The following KIF2A variants were observed in gnomAD, a reference collection of about 807,000 sequenced individuals.
KIF2A encodes kinesin family member 2A, also known as kinesin-like protein KIF2A.
Under a neutral mutation model 100.2 loss-of-function variants are expected in KIF2A, and 22 were observed. The ratio of observed to expected loss-of-function variants is 0.22; its 90% CI spans 0.16 to 0.31. KIF2A has a LOEUF of 0.31. Among genes scored for constraint, KIF2A ranks in the 10% least tolerant of loss-of-function variants. The pLI is 1.00. For missense variants in KIF2A, 495 were observed against 898.7 expected, an observed-to-expected ratio of 0.55 and a Z score of 5.74; for synonymous variants, 268 against 285.9, an observed-to-expected ratio of 0.94 and a Z score of 0.63.
chr5:62,366,583 G>C, intron 16 of KIF2A, 102 bp downstream of exon 16: 1 of 683,318 alleles, frequency 1.5e-6, no homozygotes, highest in Non-Finnish European at 2.5e-6. Flanking sequence ...TGTAATCCTA[G>C]CACTTTGGGA....
rs1387817661 is a variant in KIF2A, at chr5:62,354,211, CAT to C, written c.558+839_558+840del. The stretch of plus-strand genomic sequence containing the variant: ...TTGGGTTTTGAAATGAATAATAAAA[CAT>C]ATTATCTACTAATACTTAGCATAGA... On this transcript the variant is annotated intron_variant, in intron 6 of 20. Coordinates refer to ENST00000407818, the MANE Select transcript of KIF2A (RefSeq NM_001098511.3). 2.0e-5 allele frequency among the ~76,000 whole-genome samples: 3 copies of C among 152,186 alleles called. No homozygotes were observed. The East Asian group carries it at 5.8e-4, about 29-fold the overall frequency.
In KIF2A at chr5:62,353,314, TG is replaced by T; in HGVS notation, c.498del (p.Gln167LysfsTer34). 1 of 1,585,346 alleles carries T rather than the reference TG, an allele frequency of 6.3e-7. No individual in the cohort carries two copies. The highest frequency in any genetic ancestry group is 8.5e-7 in the Non-Finnish European group (1 of 1,169,636). On this transcript the variant is annotated frameshift_variant, in exon 6 of 21. Transcript: ENST00000407818. LOFTEE classifies it high-confidence loss of function. ...KSNCVKEVEK[L>X]QEKREKRRLQ... ...AATTGTGTGAAAGAAGTAGAAAAACTGCAAGAAAAACGAGAGAAAAGGAGAT... is the reference window on the plus strand; with the variant it reads ...AATTGTGTGAAAGAAGTAGAAAAACTCAAGAAAAACGAGAGAAAAGGAGAT...
At chr5:62,340,445 A>G (rs534128609) in intron 1 of KIF2A, among the ~76,000 whole-genome samples, 1 of 152,310 alleles carries the variant, frequency 6.6e-6, no homozygotes, top group Admixed American at 6.5e-5. Context: ...TCTCAGGTGG[A>G]TCAGAGAAAT....
intron 18 of KIF2A, 29 bp from the exon 19 acceptor site, chr5:62,377,627 TATATC>T (rs1461160760): frequency 8.5e-7 from 1 of 1,174,138 alleles, no homozygotes; most frequent in East Asian, 2.6e-5. Context: ...AAATACACAC[TATATC>T]ATAATTTCTT....
intron 7 of KIF2A, among the ~76,000 whole-genome samples, chr5:62,356,965 T>C (rs1284605771): frequency 6.6e-6 from 1 of 151,994 alleles, no homozygotes; most frequent in African/African-American, 2.4e-5. Flanking sequence ...TTTATATTTT[T>C]AGTAGTGATG....
intron 16 of KIF2A, among the ~76,000 whole-genome samples, chr5:62,368,150 C>A: frequency 6.6e-6 from 1 of 152,094 alleles, no homozygotes; most frequent in Non-Finnish European, 1.5e-5. Context: ...ATTGGCCCCC[C>A]AAAAGGTTCC....
At chr5:62,362,422 A>AT in intron 11 of KIF2A, 28 bp from the exon 12 acceptor site, 1 of 1,141,216 alleles carries the variant, frequency 8.8e-7, no homozygotes, top group Non-Finnish European at 1.2e-6. Context: ...GTTGGATCTC[A>AT]ATTTTCTGTA....
intron 1 of KIF2A, among the ~76,000 whole-genome samples, chr5:62,342,320 G>C: frequency 6.6e-6 from 1 of 152,126 alleles, no homozygotes; most frequent in East Asian, 1.9e-4. Flanking sequence ...GCTCTCTGGG[G>C]TCCACTCTTC....
At chr5:62,318,400 C>T (rs568823384) in intron 1 of KIF2A, among the ~76,000 whole-genome samples, 2 of 152,036 alleles carry the variant, frequency 1.3e-5, no homozygotes, top group African/African-American at 4.8e-5. Context: ...TTTTTATAAG[C>T]CCATTGTTTG....
In KIF2A at chr5:62,306,435, C is replaced by T. The variant is rs1579986619; in HGVS notation, c.-38C>T. The T allele has an allele frequency of 2.0e-6, 3 of 1,520,162 alleles. No individual in the cohort carries two copies. The highest frequency in any genetic ancestry group is 1.4e-5 in the African/African-American group (1 of 70,990). The allele number at this position is 1,520,162 out of a possible 1,614,324, so 94.2% of individuals were successfully genotyped here. On this transcript the variant is annotated 5_prime_UTR_variant, in exon 1 of 21. Coordinates refer to ENST00000407818, the MANE Select transcript of KIF2A (RefSeq NM_001098511.3). The stretch of plus-strand genomic sequence containing the variant: ...CCCCGCCTTTTCCGCCCTCCGGTCC[C>T]CCTCCCTCGGCCCGCTGCTGCTGCT...
chr5:62,372,620 T>C, intron 17 of KIF2A, 69 bp downstream of exon 17: 1 of 891,794 alleles, frequency 1.1e-6, no homozygotes, highest in Non-Finnish European at 1.7e-6. Flanking sequence ...TGTATAAACA[T>C]TTCATTTGCT....
At chr5:62,315,670 C>G (rs1402806714) in intron 1 of KIF2A, among the ~76,000 whole-genome samples, 1 of 152,070 alleles carries the variant, frequency 6.6e-6, no homozygotes, top group East Asian at 1.9e-4. Flanking sequence ...TCTGGGGCAC[C>G]TTATTAAAGA....
chr5:62,332,006 C>T (rs1160462107), intron 1 of KIF2A, among the ~76,000 whole-genome samples: 3 of 152,098 alleles, frequency 2.0e-5, no homozygotes, highest in African/African-American at 7.2e-5. Context: ...GCTCTTGTCT[C>T]CTCCATTTGC....
intron 10 of KIF2A, 36 bp from the exon 11 acceptor site, chr5:62,361,430 G>A: frequency 6.9e-7 from 1 of 1,452,858 alleles, no homozygotes; most frequent in Non-Finnish European, 9.6e-7. Context: ...TTATTCCTGA[G>A]TAATGTCTGT....
chr5:62,344,373 A>G (rs1040404056), intron 1 of KIF2A, among the ~76,000 whole-genome samples: 3 of 151,770 alleles, frequency 2.0e-5, no homozygotes, highest in Non-Finnish European at 4.4e-5. Context: ...GCAGATACCT[A>G]CTTTGTAGGT....
chr5:62,342,468 C>T (rs1383070455), intron 1 of KIF2A, among the ~76,000 whole-genome samples: 2 of 152,048 alleles, frequency 1.3e-5, no homozygotes, highest in Admixed American at 6.6e-5. Context: ...TTGTTAGTAC[C>T]TTCAGGGCCT....
In KIF2A at chr5:62,345,490, A is replaced by AAAAG. The variant is rs79326435; in HGVS notation, c.65-1637_65-1636insGAAA. Among the ~76,000 whole-genome samples, 71 of 147,914 alleles carry AAAAG rather than the reference A, an allele frequency of 4.8e-4. 1 individual carries two copies. Among genetic ancestry groups the AAAAG allele is most frequent in the Non-Finnish European group, 5.1e-4 (34 of 67,238 alleles). On this transcript the variant is annotated intron_variant, in intron 1 of 20. Coordinates refer to ENST00000407818, the MANE Select transcript of KIF2A (RefSeq NM_001098511.3). ...GCTTGAGACTCTGTCTCAAAAAAAA[A>AAAAG]AAAAGAAAAGAAAAAATAGAAGGTA...
intron 1 of KIF2A, among the ~76,000 whole-genome samples, chr5:62,314,395 T>G (rs976815212): frequency 6.6e-6 from 1 of 151,920 alleles, no homozygotes; most frequent in Non-Finnish European, 1.5e-5. Context: ...GCCCAGGAGT[T>G]GGAGGCTGCA....
intron 1 of KIF2A, among the ~76,000 whole-genome samples, chr5:62,333,683 C>T (rs1746769768): frequency 6.6e-6 from 1 of 152,216 alleles, no homozygotes; most frequent in Non-Finnish European, 1.5e-5. Context: ...ACAGCTCTCC[C>T]TATAGTCCTG....
Sources: allele counts gnomAD v4.1 joint callset (sites outside exome capture counted in the v4.1 genomes callset), GRCh38; gene constraint gnomAD v4.1.1; transcripts MANE v1.5; gene names NCBI Gene and HGNC (gene_info 2026-07-23, HGNC 2026-07-21).